The following FRMPD4 variants were observed in gnomAD, a reference collection of about 807,000 sequenced individuals.
FRMPD4 encodes FERM and PDZ domain-containing protein 4.
Under a neutral mutation model 94.1 loss-of-function variants are expected in FRMPD4, and 22 were observed. That is an observed-to-expected ratio of 0.23 (90% CI 0.17 to 0.33). The LOEUF is 0.33. Ranked by LOEUF, FRMPD4 falls within the 10% of genes least tolerant of loss-of-function variation. The probability of loss-of-function intolerance (pLI) is 1.00; values close to 1 mark genes in which losing one functional copy is unlikely to be tolerated. For synonymous variants in FRMPD4, 631 were observed against 548.6 expected, an observed-to-expected ratio of 1.15 and a Z score of -2.10; for missense variants, 1,111 against 1,339.9, an observed-to-expected ratio of 0.83 and a Z score of 2.67.
chrX:12,499,570 C>T (rs1257592555), intron 2 of FRMPD4, among the ~76,000 whole-genome samples: 1 of 112,419 alleles, frequency 8.9e-6, no homozygotes. Flanking sequence ...TACTTTCTGT[C>T]TCCATAAGTT....
chrX:12,359,270 G>A (rs1240210493), intron 1 of FRMPD4, among the ~76,000 whole-genome samples: 2 of 111,276 alleles, frequency 1.8e-5, no homozygotes, highest in Non-Finnish European at 3.8e-5. Context: ...TGTGGGGGTG[G>A]GAGTACAGAA....
chrX:12,652,198 G>T (rs1278871497), intron 4 of FRMPD4, among the ~76,000 whole-genome samples: 1 of 111,656 alleles, frequency 9.0e-6, no homozygotes, highest in African/African-American at 3.3e-5. Context: ...AATCCTCCCC[G>T]TCTTCTTCTC....
intron 3 of FRMPD4, among the ~76,000 whole-genome samples, chrX:11,891,654 T>C (rs1018831875): frequency 1.8e-5 from 2 of 112,224 alleles, no homozygotes; most frequent in African/African-American, 3.2e-5. Flanking sequence ...TGTGTTATCA[T>C]GTTCCTTGGG....
chrX:12,671,028 A>G (rs1375392984), intron 4 of FRMPD4, among the ~76,000 whole-genome samples: 7 of 112,552 alleles, frequency 6.2e-5, no homozygotes, highest in Non-Finnish European at 1.1e-4. Context: ...AATCAAAACC[A>G]CAATGAGATA....
intron 5 of FRMPD4, among the ~76,000 whole-genome samples, chrX:12,678,523 G>A (rs2059925496): frequency 8.9e-6 from 1 of 112,305 alleles, no homozygotes; most frequent in Non-Finnish European, 1.9e-5. Flanking sequence ...CTGAGACAGA[G>A]AGTATTTAAA....
chrX:12,153,134 C>T (rs1024373675), intron 1 of FRMPD4, among the ~76,000 whole-genome samples: 2 of 110,642 alleles, frequency 1.8e-5, no homozygotes, highest in African/African-American at 6.6e-5. Flanking sequence ...GACGGGGTTT[C>T]ACCTTGTTAG....
In FRMPD4 at chrX:12,718,152, C is replaced by A. The variant is rs2147175685; in HGVS notation, c.3326C>A (p.Ala1109Glu). 8.3e-7 allele frequency: 1 copy of A among 1,211,566 alleles called. No individual in the cohort carries two copies. Among genetic ancestry groups the A allele is most frequent in the Non-Finnish European group, 1.1e-6 (1 of 895,248 alleles). ...ATGGCTGAAAAAAGTGGATTAGAAGCAGCAACAGGGAAAACCTTTCCAAGA... is the reference window on the plus strand; with the variant it reads ...ATGGCTGAAAAAAGTGGATTAGAAGAAGCAACAGGGAAAACCTTTCCAAGA... ...GGMAEKSGLE[A>E]ATGKTFPRAS... The change falls in exon 16 of 17, where the codon GCA (alanine) becomes GAA (glutamate). Residue 1109 changes from alanine (A) to glutamate (E), a missense_variant. Transcript: ENST00000675598.
intron 2 of FRMPD4, among the ~76,000 whole-genome samples, chrX:12,556,823 AAATT>A (rs962957402): frequency 6.8e-5 from 7 of 103,426 alleles, no homozygotes; most frequent in African/African-American, 2.1e-4. Flanking sequence ...CACAAAAGAC[AAATT>A]AATAAGAGAA....
chrX:12,327,809 C>T (rs2055311804), intron 1 of FRMPD4, among the ~76,000 whole-genome samples: 1 of 108,535 alleles, frequency 9.2e-6, no homozygotes, highest in South Asian at 4.0e-4. Context: ...AAAAAAAAAA[C>T]GATTACATCT....
intron 2 of FRMPD4, among the ~76,000 whole-genome samples, chrX:12,562,099 T>C (rs1018756015): frequency 8.9e-6 from 1 of 112,264 alleles, no homozygotes. Flanking sequence ...CTAATTTCAT[T>C]TACCACTACA....
At chrX:12,323,964 A>ATGAC (rs755463375) in intron 1 of FRMPD4, among the ~76,000 whole-genome samples, 1 of 111,875 alleles carries the variant, frequency 8.9e-6, no homozygotes, top group Non-Finnish European at 1.9e-5. Flanking sequence ...AGAGGATGAA[A>ATGAC]TGACTGATGA....
At chrX:12,378,848 GT>G (rs895518865) in intron 1 of FRMPD4, among the ~76,000 whole-genome samples, 7 of 111,930 alleles carry the variant, frequency 6.3e-5, no homozygotes, top group African/African-American at 2.3e-4. Context: ...TGAAACAGGA[GT>G]GTTTTTAGTG....
At chrX:12,426,628 C>G (rs757849161) in intron 1 of FRMPD4, among the ~76,000 whole-genome samples, 1 of 111,070 alleles carries the variant, frequency 9.0e-6, no homozygotes, top group Non-Finnish European at 1.9e-5. Flanking sequence ...TAAGCCACCC[C>G]CAAACAAAAC....
chrX:12,246,276 C>T (rs1166598933), intron 1 of FRMPD4, among the ~76,000 whole-genome samples: 3 of 112,110 alleles, frequency 2.7e-5, no homozygotes, highest in African/African-American at 9.7e-5. Flanking sequence ...TCCGTCCTTC[C>T]ATTTCTAAGA....
intron 3 of FRMPD4, among the ~76,000 whole-genome samples, chrX:11,988,401 C>T (rs1394157581): frequency 8.9e-6 from 1 of 112,046 alleles, no homozygotes; most frequent in Non-Finnish European, 1.9e-5. Flanking sequence ...AAGAATGAAA[C>T]TATACTGCTA....
chrX:11,955,448 G>A (rs1367280664), intron 3 of FRMPD4, among the ~76,000 whole-genome samples: 1 of 109,315 alleles, frequency 9.1e-6, no homozygotes, highest in East Asian at 2.8e-4. Flanking sequence ...GCAACACAGT[G>A]AGACCCCATC....
intron 3 of FRMPD4, among the ~76,000 whole-genome samples, chrX:11,916,419 C>A (rs1351866958): frequency 9.0e-6 from 1 of 110,689 alleles, no homozygotes; most frequent in Non-Finnish European, 1.9e-5. Flanking sequence ...AGTGGGGGTC[C>A]AGCAGTCAAT....
chrX:12,676,705 G>A (rs2059904673), intron 5 of FRMPD4, among the ~76,000 whole-genome samples: 1 of 112,254 alleles, frequency 8.9e-6, no homozygotes, highest in Non-Finnish European at 1.9e-5. Context: ...CATGTGACTT[G>A]TTATTCATTT....
chrX:11,878,894 A>G lies in FRMPD4; in HGVS notation c.95+876A>G, dbSNP rs192772764. 2.6e-3 allele frequency among the ~76,000 whole-genome samples: 296 copies of G among 112,144 alleles called. 1 individual carries two copies. Among genetic ancestry groups the G allele is most frequent in the Non-Finnish European group, 4.7e-3 (249 of 53,209 alleles). The stretch of plus-strand genomic sequence containing the variant: ...AGGGCAATACAAACATTATGTGCAG[A>G]CCCAAATATAGAGGAACTGCCACAG... On this transcript the variant is annotated intron_variant, in intron 3 of 18. Coordinates refer to the FRMPD4 transcript ENST00000640291.
Sources: gnomAD v4.1 joint callset for allele counts (sites outside exome capture counted in the v4.1 genomes callset) on GRCh38, gnomAD v4.1.1 for gene constraint, MANE v1.5 for transcripts, NCBI Gene and HGNC (gene_info 2026-07-23, HGNC 2026-07-21) for gene names.